DPP10: variants seen among roughly 807,000 people sequenced by gnomAD.
DPP10 encodes the protein dipeptidyl peptidase like 10, also known as inactive dipeptidyl peptidase 10.
DPP10 carries 33 observed loss-of-function variants against 120.9 expected under a neutral mutation model. That is an observed-to-expected ratio of 0.27 (90% confidence interval 0.21 to 0.37). The LOEUF is 0.37. Ranked by LOEUF, DPP10 falls within the 10% of genes least tolerant of loss-of-function variation. The probability of loss-of-function intolerance (pLI) is 1.00; values close to 1 mark genes in which losing one functional copy is unlikely to be tolerated. For missense variants in DPP10, 816 were observed against 942.8 expected, an observed-to-expected ratio of 0.87 and a Z score of 1.76; for synonymous variants, 337 against 326.1, an observed-to-expected ratio of 1.03 and a Z score of -0.36.
At chr2:114,975,727 T>G (rs987136572) in intron 1 of DPP10, among the ~76,000 whole-genome samples, 1 of 152,034 alleles carries the variant, frequency 6.6e-6, no homozygotes. Flanking sequence ...CTCAGTGCGC[T>G]GCAACTTCGA....
At chr2:115,626,623 G>A (rs1259520444) in intron 5 of DPP10, among the ~76,000 whole-genome samples, 1 of 152,144 alleles carries the variant, frequency 6.6e-6, no homozygotes, top group Non-Finnish European at 1.5e-5. Context: ...GAATTAGTGA[G>A]TAAATGCATT....
chr2:114,791,913 T>C (rs1209350087), intron 1 of DPP10, among the ~76,000 whole-genome samples: 1 of 152,220 alleles, frequency 6.6e-6, no homozygotes, highest in East Asian at 1.9e-4. Flanking sequence ...TTCTAAATAG[T>C]TGTATCACTG....
chr2:115,186,357 T>C (rs11693764), intron 1 of DPP10, among the ~76,000 whole-genome samples: 68,969 of 152,036 alleles, frequency 0.45, 17,490 homozygotes, highest in Non-Finnish European at 0.58. Context: ...AATTGCTAGA[T>C]TTACATTGCT....
intron 1 of DPP10, among the ~76,000 whole-genome samples, chr2:115,036,933 C>A (rs1704263543): frequency 6.6e-6 from 1 of 152,126 alleles, no homozygotes; most frequent in African/African-American, 2.4e-5. Context: ...TTTTTCAGGC[C>A]TCAGGATCAA....
intron 1 of DPP10, among the ~76,000 whole-genome samples, chr2:114,789,357 A>C (rs1219625965): frequency 6.6e-6 from 1 of 152,236 alleles, no homozygotes; most frequent in Non-Finnish European, 1.5e-5. Flanking sequence ...CAATATGAGA[A>C]AACGCTGGCA....
chr2:114,810,825 G>A (rs954970782), intron 1 of DPP10, among the ~76,000 whole-genome samples: 6 of 152,148 alleles, frequency 3.9e-5, no homozygotes, highest in Non-Finnish European at 7.3e-5. Context: ...CATTCCTCAA[G>A]CTTGCCAGAG....
intron 1 of DPP10, among the ~76,000 whole-genome samples, chr2:114,722,602 C>T (rs1362803280): frequency 6.6e-6 from 1 of 151,666 alleles, no homozygotes; most frequent in Non-Finnish European, 1.5e-5. Flanking sequence ...CGGCGAAACC[C>T]CGTCTCTACT....
At chr2:114,778,297 C>T (rs1681945134) in intron 1 of DPP10, among the ~76,000 whole-genome samples, 1 of 152,044 alleles carries the variant, frequency 6.6e-6, no homozygotes, top group Non-Finnish European at 1.5e-5. Flanking sequence ...AAACATTTGG[C>T]TTATTAAAAC....
At position 115,022,202 on chromosome 2, in the gene DPP10, T is replaced by C. The variant is rs556781260; in HGVS notation, c.61-287037T>C. Among the ~76,000 whole-genome samples, 6 of 152,226 alleles carry C rather than the reference T, an allele frequency of 3.9e-5. No homozygotes were observed. In the East Asian group the frequency reaches 7.7e-4, roughly 20 times the overall value. ...GAGAAAGAAATAAAGGGCATCCAAA[T>C]TGGTAAAGAGGAAGTGAAACTTTGC... On this transcript the variant is annotated intron_variant, in intron 1 of 25. Transcript: ENST00000410059.
At chr2:115,538,770 C>T (rs984403704) in intron 5 of DPP10, among the ~76,000 whole-genome samples, 16 of 151,798 alleles carry the variant, frequency 1.1e-4, no homozygotes, top group Admixed American at 3.3e-4. Context: ...TACCTAGAAC[C>T]GTGTGCCAAT....
chr2:114,574,152 G>A (rs918578246), intron 1 of DPP10, among the ~76,000 whole-genome samples: 6 of 152,118 alleles, frequency 3.9e-5, no homozygotes, highest in Admixed American at 2.0e-4. Context: ...CAGTGAGAAG[G>A]GGCAGACCAT....
intron 1 of DPP10, among the ~76,000 whole-genome samples, chr2:114,455,392 A>C (rs61459591): frequency 0.064 from 9,794 of 152,084 alleles, 546 homozygotes; most frequent in African/African-American, 0.15. Context: ...TAAAAATACA[A>C]AAATTAGCCA....
At chr2:115,407,738 C>T (rs1192914975) in intron 3 of DPP10, among the ~76,000 whole-genome samples, 1 of 152,072 alleles carries the variant, frequency 6.6e-6, no homozygotes, top group Non-Finnish European at 1.5e-5. Context: ...TCCCCTGAGC[C>T]CAGTCCTAAG....
At chr2:114,760,346 A>G (rs1201422950) in intron 1 of DPP10, among the ~76,000 whole-genome samples, 2 of 152,106 alleles carry the variant, frequency 1.3e-5, no homozygotes, top group Non-Finnish European at 2.9e-5. Flanking sequence ...AATTAACAGA[A>G]ATCCAAAGGC....
At chr2:114,654,495 T>A (rs1434883428) in intron 1 of DPP10, among the ~76,000 whole-genome samples, 1 of 152,250 alleles carries the variant, frequency 6.6e-6, no homozygotes, top group East Asian at 1.9e-4. Context: ...ATAGATAGGA[T>A]AGTACAGAAA....
rs539805956 is a variant in DPP10, at chr2:114,455,488, T to C, written c.60+12650T>C. On this transcript the variant is annotated intron_variant, in intron 1 of 25. Coordinates refer to ENST00000410059, the MANE Select transcript of DPP10 (RefSeq NM_020868.6). ...TGAACCTGGGATGCGGAGGTGGCAG[T>C]GAGCAGAGATCATGCCACTGCACAC... is the stretch of plus-strand genomic sequence containing the variant. Among the ~76,000 whole-genome samples, 7 of 150,826 alleles carry C rather than the reference T, an allele frequency of 4.6e-5. No homozygotes were observed. The East Asian group carries it at 1.4e-3, about 30-fold the overall frequency.
intron 1 of DPP10, among the ~76,000 whole-genome samples, chr2:114,459,239 G>C (rs1490594610): frequency 6.6e-6 from 1 of 152,190 alleles, no homozygotes; most frequent in Admixed American, 6.5e-5. Context: ...TTGTTCAGCA[G>C]GACATTGACA....
At chr2:114,623,529 G>C (rs1036908545) in intron 1 of DPP10, among the ~76,000 whole-genome samples, 1 of 152,004 alleles carries the variant, frequency 6.6e-6, no homozygotes, top group African/African-American at 2.4e-5. Flanking sequence ...ACTTTCAATT[G>C]AGATTTTGAG....
intron 5 of DPP10, among the ~76,000 whole-genome samples, chr2:115,558,420 G>A (rs749602383): frequency 2.0e-5 from 3 of 152,068 alleles, no homozygotes; most frequent in Non-Finnish European, 2.9e-5. Context: ...AAAACCATTG[G>A]TCAGAGACTT....
Sources: gnomAD v4.1 joint callset for allele counts (sites outside exome capture counted in the v4.1 genomes callset) on GRCh38, gnomAD v4.1.1 for gene constraint, MANE v1.5 for transcripts, NCBI Gene and HGNC (gene_info 2026-07-23, HGNC 2026-07-21) for gene names.